Variants in EEF1G observed in about 807,000 individuals in gnomAD.
EEF1G encodes the protein eukaryotic translation elongation factor 1 gamma.
In EEF1G, 14 loss-of-function variants were observed where a neutral mutation model predicts 58.3. The observed-to-expected ratio is 0.24, with a 90% CI of 0.16 to 0.38. The LOEUF is 0.38. EEF1G is among the 10% of genes least tolerant of loss of function. EEF1G has a pLI of 1.00. For synonymous variants in EEF1G, 180 were observed against 206.8 expected, an observed-to-expected ratio of 0.87 and a Z score of 1.11; for missense variants, 322 against 550.1, an observed-to-expected ratio of 0.59 and a Z score of 4.15.
chr11:62,568,218 T>A (rs1383629421), intron 5 of EEF1G, among the ~76,000 whole-genome samples: 5 of 111,368 alleles, frequency 4.5e-5, no homozygotes, highest in South Asian at 3.0e-4. Flanking sequence ...ACAGAGTGAC[T>A]CTGTCTCAAA....
chr11:62,564,359 G>A (rs1304613892), intron 7 of EEF1G, among the ~76,000 whole-genome samples: 1 of 151,270 alleles, frequency 6.6e-6, no homozygotes, highest in Non-Finnish European at 1.5e-5. Flanking sequence ...AGCTACTCGG[G>A]AGGCTGAGGC....
intron 5 of EEF1G, among the ~76,000 whole-genome samples, chr11:62,569,200 T>C (rs992886975): frequency 2.6e-5 from 4 of 151,720 alleles, no homozygotes; most frequent in Non-Finnish European, 5.9e-5. Flanking sequence ...TGGCTGGGTG[T>C]GGTGGCTCAC....
intron 3 of EEF1G, 74 bp downstream of exon 3, chr11:62,571,764 C>A (rs1302285490): frequency 1.3e-6 from 2 of 1,561,392 alleles, no homozygotes; most frequent in Non-Finnish European, 1.7e-6. Context: ...TTCATATCCA[C>A]CCCCGCTCAC....
At position 62,559,658 on chromosome 11, in the gene EEF1G, C is replaced by G. The variant is rs1323865467; in HGVS notation, c.*21G>C. ...CTCCCTGAAGGGCAGGTGCAGGCAG[C>G]TAGGTGATGGCAAGAGATGTTCACT... is the stretch of plus-strand genomic sequence containing the variant. On this transcript the variant is annotated 3_prime_UTR_variant, in exon 10 of 10. Transcript: ENST00000329251. The G allele has an allele frequency of 2.5e-6, 4 of 1,612,990 alleles. No individual in the cohort carries two copies. Among genetic ancestry groups the G allele is most frequent in the African/African-American group, 1.3e-5 (1 of 74,894 alleles).
In EEF1G at chr11:62,572,014, T is replaced by G. The variant is rs542462895; in HGVS notation, c.172-113A>C. On this transcript the variant is annotated intron_variant, in intron 2 of 9. Coordinates refer to ENST00000329251, the MANE Select transcript of EEF1G (RefSeq NM_001404.5). The stretch of plus-strand genomic sequence containing the variant: ...TATATAAGGCTGATGATTCTCACTA[T>G]CCAAACTCTTGATACTCAAGAACCA... 5.3e-4 allele frequency: 482 copies of G among 905,490 alleles called. 7 individuals are homozygous for G. In the South Asian group the frequency reaches 6.9e-3, roughly 13 times the overall value. The allele number at this position is 905,490 out of a possible 1,614,324, so 56.1% of individuals were successfully genotyped here. A position where few individuals can be genotyped will look rare whatever the true frequency, so the allele number is the denominator to read the frequency against.
Position 62,569,103 on chromosome 11 carries a change from C to A in EEF1G, c.523-1575G>T, listed in dbSNP as rs76850686. ...CACACACGCACACACACACACACACCCCCCACACCCACCCATCCATCAAAC... is the reference window on the plus strand; with the variant it reads ...CACACACGCACACACACACACACACACCCCACACCCACCCATCCATCAAAC... On this transcript the variant is annotated intron_variant, in intron 5 of 9. Transcript: ENST00000329251. Among the ~76,000 whole-genome samples the A allele has an allele frequency of 4.1e-3, 609 of 147,152 alleles. 1 individual carries two copies. The highest frequency in any genetic ancestry group is 0.013 in the African/African-American group (529 of 40,746).
At chr11:62,569,330 C>T (rs750449233) in intron 5 of EEF1G, among the ~76,000 whole-genome samples, 2 of 152,060 alleles carry the variant, frequency 1.3e-5, no homozygotes, top group African/African-American at 2.4e-5. Flanking sequence ...CAAAATTAGA[C>T]GGGTTTGGTG....
At chr11:62,565,225 A>C (rs1311128098) in intron 7 of EEF1G, among the ~76,000 whole-genome samples, 1 of 152,212 alleles carries the variant, frequency 6.6e-6, no homozygotes, top group Non-Finnish European at 1.5e-5. Flanking sequence ...TAGTCTCTAC[A>C]AATAATAAAA....
chr11:62,562,768 C>T (rs932797709), intron 7 of EEF1G, among the ~76,000 whole-genome samples: 2 of 152,168 alleles, frequency 1.3e-5, no homozygotes, highest in Non-Finnish European at 2.9e-5. Flanking sequence ...CATGAGCCAC[C>T]GTGCCCAGCC....
intron 5 of EEF1G, among the ~76,000 whole-genome samples, chr11:62,570,007 G>A (rs1363842458): frequency 4.0e-5 from 6 of 151,652 alleles, no homozygotes; most frequent in African/African-American, 7.3e-5. Context: ...ACCTACATTG[G>A]TAAACAATGA....
intron 4 of EEF1G, 54 bp downstream of exon 4, chr11:62,571,486 C>T: frequency 1.3e-6 from 2 of 1,549,468 alleles, no homozygotes; most frequent in Non-Finnish European, 8.7e-7. Flanking sequence ...CTCCCAACAC[C>T]CAGGAGCTGA....
chr11:62,561,682 C>CAAAAAAAAAAAAAAAAAAAAAAAAAA (rs58957254), intron 7 of EEF1G, among the ~76,000 whole-genome samples: 2 of 124,608 alleles, frequency 1.6e-5, no homozygotes. Flanking sequence ...AAAAAAAAAA[C>CAAAAAAAAAAAAAAAAAAAAAAAAAA]AAAAAAAAAA....
At chr11:62,569,468 T>A (rs1460293634) in intron 5 of EEF1G, among the ~76,000 whole-genome samples, 1 of 152,164 alleles carries the variant, frequency 6.6e-6, no homozygotes, top group African/African-American at 2.4e-5. Context: ...AGCAAGACTC[T>A]GTCAAAATAA....
chr11:62,562,291 GAGC>G (rs1301011574), intron 7 of EEF1G, among the ~76,000 whole-genome samples: 3 of 152,080 alleles, frequency 2.0e-5, no homozygotes, highest in African/African-American at 7.2e-5. Flanking sequence ...AGAGATTTTT[GAGC>G]GTTAGCCGTC....
chr11:62,565,448 T>C (rs922616345), intron 7 of EEF1G, among the ~76,000 whole-genome samples: 1 of 151,866 alleles, frequency 6.6e-6, no homozygotes, highest in African/African-American at 2.4e-5. Context: ...GGTAACCCAA[T>C]AAATAGACAT....
chr11:62,567,087 C>G, intron 6 of EEF1G, 77 bp from the exon 7 acceptor site: 1 of 1,490,272 alleles, frequency 6.7e-7, no homozygotes, highest in Non-Finnish European at 9.3e-7. Context: ...ACAGAGCAAG[C>G]AAGGTAACAG....
chr11:62,573,480 C>T (rs1941662934), intron 1 of EEF1G: 1 of 393,924 alleles, frequency 2.5e-6, no homozygotes, highest in Non-Finnish European at 4.7e-6. Flanking sequence ...CCCTCCTCTT[C>T]AACCTGTCCC....
chr11:62,563,057 C>A lies in EEF1G; in HGVS notation c.858-2603G>T, dbSNP rs1341145251. The stretch of plus-strand genomic sequence containing the variant: ...TCCGGGAGGCAGAGGTTGCAGTGAG[C>A]CGAGATCACACCACTGCACTCCAGC... On this transcript the variant is annotated intron_variant, in intron 7 of 9. Transcript: ENST00000329251. Among the ~76,000 whole-genome samples, 4 of 150,978 alleles carry A rather than the reference C, an allele frequency of 2.6e-5. No individual in the cohort carries two copies. The East Asian group carries it at 8.1e-4, about 31-fold the overall frequency.
chr11:62,565,980 C>T (rs1178246221), intron 7 of EEF1G, among the ~76,000 whole-genome samples: 1 of 152,006 alleles, frequency 6.6e-6, no homozygotes, highest in East Asian at 1.9e-4. Context: ...AAAAGATGAA[C>T]GGCTTTGGAA....
Sources: allele counts gnomAD v4.1 joint callset (sites outside exome capture counted in the v4.1 genomes callset), GRCh38; gene constraint gnomAD v4.1.1; transcripts MANE v1.5; gene names NCBI Gene and HGNC (gene_info 2026-07-23, HGNC 2026-07-21).